The following EPHB1 variants were observed in gnomAD, a reference collection of about 807,000 sequenced individuals.
EPHB1 encodes the protein EPH receptor B1.
In EPHB1, 30 loss-of-function variants were observed where a neutral mutation model predicts 94.4. That is an observed-to-expected ratio of 0.32 (90% CI 0.24 to 0.43). The LOEUF (loss-of-function observed/expected upper bound fraction) is 0.43. Among genes scored for constraint, EPHB1 ranks in the 20% least tolerant of loss-of-function variants. EPHB1 has a pLI of 1.00. For missense variants in EPHB1, 1,055 were observed against 1,308.3 expected (o/e 0.81, Z 2.99); for synonymous variants, 522 against 489.1 (o/e 1.07, Z -0.89).
intron 1 of EPHB1, among the ~76,000 whole-genome samples, chr3:134,917,725 G>A (rs1467566387): frequency 3.9e-5 from 6 of 152,212 alleles, no homozygotes; most frequent in Non-Finnish European, 7.3e-5. Context: ...GGGTTGGGTT[G>A]GCACTTTCAG....
intron 3 of EPHB1, among the ~76,000 whole-genome samples, chr3:134,952,457 T>A (rs1250029332): frequency 6.6e-6 from 1 of 151,954 alleles, no homozygotes; most frequent in East Asian, 1.9e-4. Flanking sequence ...ACTTTGGAAT[T>A]TGGGTTGCCA....
chr3:134,859,756 A>G (rs2037206379), intron 1 of EPHB1, among the ~76,000 whole-genome samples: 1 of 152,168 alleles, frequency 6.6e-6, no homozygotes. Flanking sequence ...CAGGTTAATG[A>G]TTTTGGTCAG....
chr3:135,074,237 A>C (rs965512482), intron 3 of EPHB1, among the ~76,000 whole-genome samples: 5 of 152,254 alleles, frequency 3.3e-5, no homozygotes, highest in Admixed American at 3.3e-4. Flanking sequence ...TGTTCTCTAC[A>C]TTCTCCAATT....
At chr3:134,956,754 G>C (rs1933292106) in intron 3 of EPHB1, among the ~76,000 whole-genome samples, 1 of 152,134 alleles carries the variant, frequency 6.6e-6, no homozygotes, top group East Asian at 1.9e-4. Context: ...TCTAAGCCAT[G>C]CCATGCTACA....
rs913647764 is a variant in EPHB1 at position 135,020,466 on chromosome 3, C to T, written c.805+68414C>T. ...CCCCAGCCCTAGGCATCCACCAATC[C>T]ATTTGCCATCTCTATGGATTTGCCT... On this transcript the variant is annotated intron_variant, in intron 3 of 15. Transcript: ENST00000398015. 4.6e-5 allele frequency among the ~76,000 whole-genome samples: 7 copies of T among 152,222 alleles called. No homozygotes were observed. The East Asian group carries it at 1.3e-3, about 29-fold the overall frequency.
intron 1 of EPHB1, among the ~76,000 whole-genome samples, chr3:134,877,169 T>A (rs2037633618): frequency 6.6e-6 from 1 of 152,128 alleles, no homozygotes; most frequent in Non-Finnish European, 1.5e-5. Flanking sequence ...AACACACTGG[T>A]CCAAATCCTG....
chr3:134,882,803 T>TTTCTTTCTTTCTTTCTTTCTTTCC (rs2037779820), intron 1 of EPHB1, among the ~76,000 whole-genome samples: 1 of 79,548 alleles, frequency 1.3e-5, no homozygotes, highest in Admixed American at 1.3e-4. Context: ...TCTTTCTTTC[T>TTTCTTTCTTTCTTTCTTTCTTTCC]TTCTTTCTTT....
chr3:135,103,961 T>C (rs933035720), intron 3 of EPHB1, among the ~76,000 whole-genome samples: 2 of 152,270 alleles, frequency 1.3e-5, no homozygotes, highest in Non-Finnish European at 2.9e-5. Flanking sequence ...CAATTGTTTA[T>C]GCTGTTAACT....
intron 1 of EPHB1, among the ~76,000 whole-genome samples, chr3:134,877,849 C>T (rs950226198): frequency 2.6e-5 from 4 of 152,170 alleles, no homozygotes; most frequent in Admixed American, 6.5e-5. Context: ...CACCCCAAGG[C>T]AGTGAGTCAG....
chr3:135,205,247 G>A (rs1241229675), intron 12 of EPHB1, among the ~76,000 whole-genome samples: 1 of 152,010 alleles, frequency 6.6e-6, no homozygotes, highest in African/African-American at 2.4e-5. Context: ...AGGGATTTGT[G>A]TTTTCTATTG....
At chr3:135,185,859 G>T (rs934322753) in intron 10 of EPHB1, among the ~76,000 whole-genome samples, 10 of 152,212 alleles carry the variant, frequency 6.6e-5, no homozygotes, top group African/African-American at 1.2e-4. Flanking sequence ...AAGCCTCGTT[G>T]TTGGGAATTA....
intron 1 of EPHB1, among the ~76,000 whole-genome samples, chr3:134,919,152 G>T (rs1287993885): frequency 6.6e-6 from 1 of 152,214 alleles, no homozygotes; most frequent in Admixed American, 6.5e-5. Context: ...TTGGAATATG[G>T]TTAATGATTG....
At chr3:135,091,280 C>T (rs1256961086) in intron 3 of EPHB1, among the ~76,000 whole-genome samples, 1 of 152,216 alleles carries the variant, frequency 6.6e-6, no homozygotes, top group Non-Finnish European at 1.5e-5. Context: ...ATGGGGCCAT[C>T]TGGGCAGGTG....
intron 3 of EPHB1, among the ~76,000 whole-genome samples, chr3:134,957,902 A>G (rs1933343022): frequency 6.6e-6 from 1 of 152,174 alleles, no homozygotes; most frequent in Non-Finnish European, 1.5e-5. Flanking sequence ...AACTCTGGAC[A>G]TTGGCAGGGC....
At chr3:135,253,895 G>A (rs1576504766) in intron 15 of EPHB1, among the ~76,000 whole-genome samples, 2 of 151,684 alleles carry the variant, frequency 1.3e-5, no homozygotes, top group East Asian at 3.9e-4. Flanking sequence ...TCCTTGAGCA[G>A]TGGTGTGTAG....
chr3:135,249,378 G>T lies in EPHB1; in HGVS notation c.2733G>T (p.Thr911=), dbSNP rs538522857. The T allele has an allele frequency of 3.1e-6, 5 of 1,613,870 alleles. No individual in the cohort carries two copies. Among genetic ancestry groups the T allele is most frequent in the South Asian group, 2.2e-5 (2 of 91,072 alleles). Residue 911 remains threonine (T), a synonymous_variant, in exon 15 of 16, where the codon ACG becomes ACT. Coordinates refer to ENST00000398015, the MANE Select transcript of EPHB1 (RefSeq NM_004441.5). ...TCGACCGCTCCATCCCAGACTTCACGGCCTTTACCACCGTGGATGACTGGC... is the reference window on the plus strand; with the variant it reads ...TCGACCGCTCCATCCCAGACTTCACTGCCTTTACCACCGTGGATGACTGGC... The part of the protein sequence containing the change: ...PLLDRSIPDF[T]AFTTVDDWLS...
chr3:134,870,286 C>A (rs1578155033), intron 1 of EPHB1, among the ~76,000 whole-genome samples: 1 of 152,098 alleles, frequency 6.6e-6, no homozygotes, highest in South Asian at 2.1e-4. Flanking sequence ...AAGGAAGACA[C>A]CCCGGGCAGA....
At chr3:134,989,494 C>A (rs545555046) in intron 3 of EPHB1, among the ~76,000 whole-genome samples, 3 of 120,460 alleles carry the variant, frequency 2.5e-5, no homozygotes, top group African/African-American at 1.1e-4. Flanking sequence ...CGCACGCGCG[C>A]GTGCACACAC....
At chr3:134,901,154 C>T (rs2038195064) in intron 1 of EPHB1, among the ~76,000 whole-genome samples, 1 of 151,736 alleles carries the variant, frequency 6.6e-6, no homozygotes, top group South Asian at 2.1e-4. Flanking sequence ...TTAACATAAC[C>T]ACAATATTAT....
Sources: gnomAD v4.1 joint callset for allele counts (sites outside exome capture counted in the v4.1 genomes callset) on GRCh38, gnomAD v4.1.1 for gene constraint, MANE v1.5 for transcripts, NCBI Gene and HGNC (gene_info 2026-07-23, HGNC 2026-07-21) for gene names.